Variants in ZFAND3 observed in about 807,000 individuals in gnomAD.
The protein encoded by ZFAND3 is zinc finger AN1-type containing 3.
A neutral mutation model predicts 29.6 loss-of-function variants in ZFAND3; 10 were observed. The ratio of observed to expected loss-of-function variants is 0.34; its 90% confidence interval spans 0.21 to 0.57. The LOEUF is 0.57. Among genes scored for constraint, ZFAND3 ranks in the 20% least tolerant of loss-of-function variants. The pLI is 0.86. For missense variants in ZFAND3, 230 were observed against 304.5 expected (o/e 0.76, Z 1.82); for synonymous variants, 128 against 112.6 (o/e 1.14, Z -0.87).
intron 2 of ZFAND3, among the ~76,000 whole-genome samples, chr6:37,944,963 G>A (rs565574221): frequency 1.3e-5 from 2 of 152,316 alleles, no homozygotes; most frequent in African/African-American, 2.4e-5. Flanking sequence ...TCAAGGGGTG[G>A]AGTATTCATG....
rs565020510 is a variant in ZFAND3 at position 37,880,838 on chromosome 6, A to C, written c.72-49121A>C. Among the ~76,000 whole-genome samples the C allele has an allele frequency of 5.5e-5, 7 of 127,242 alleles. No homozygotes were observed. The East Asian group carries it at 1.2e-3, about 21-fold the overall frequency. 83.5% of individuals were successfully genotyped at this position (127,242 alleles called of 152,430 possible). A position where few individuals can be genotyped will look rare whatever the true frequency, so the allele number is the denominator to read the frequency against. The stretch of plus-strand genomic sequence containing the variant: ...AGATCACATGGACACAGGAAGGGGA[A>C]TATCACACTCTGGGGACTGTGGTGG... On this transcript the variant is annotated intron_variant, in intron 1 of 5. Transcript: ENST00000287218.
chr6:37,887,803 C>T (rs1403419454), intron 1 of ZFAND3, among the ~76,000 whole-genome samples: 2 of 152,134 alleles, frequency 1.3e-5, no homozygotes, highest in Non-Finnish European at 2.9e-5. Flanking sequence ...TTCTCTTAGC[C>T]ATTGATTGTA....
At chr6:38,136,594 T>C (rs944353027) in intron 5 of ZFAND3, among the ~76,000 whole-genome samples, 6 of 152,210 alleles carry the variant, frequency 3.9e-5, no homozygotes, top group South Asian at 2.1e-4. Context: ...TACTTGCTTT[T>C]GCTCTAGGCC....
chr6:37,966,462 G>A (rs1762295500), intron 2 of ZFAND3, among the ~76,000 whole-genome samples: 1 of 152,156 alleles, frequency 6.6e-6, no homozygotes, highest in Non-Finnish European at 1.5e-5. Context: ...TCACTGAGCA[G>A]ACAACGCTTA....
chr6:37,840,781 T>A (rs1764059182), intron 1 of ZFAND3, among the ~76,000 whole-genome samples: 1 of 151,284 alleles, frequency 6.6e-6, no homozygotes, highest in African/African-American at 2.4e-5. Flanking sequence ...TGTACAATGA[T>A]CTGGTCTTTT....
At chr6:37,964,365 A>G (rs143600486) in intron 2 of ZFAND3, among the ~76,000 whole-genome samples, 2 of 152,182 alleles carry the variant, frequency 1.3e-5, no homozygotes, top group African/African-American at 2.4e-5. Flanking sequence ...CTTGGGGAAA[A>G]TGTGAACTTC....
chr6:37,953,194 T>C (rs1762027566), intron 2 of ZFAND3, among the ~76,000 whole-genome samples: 1 of 151,976 alleles, frequency 6.6e-6, no homozygotes. Context: ...CCATCTCTTC[T>C]TTTTTTCTTC....
At chr6:37,944,046 T>G (rs1375002766) in intron 2 of ZFAND3, among the ~76,000 whole-genome samples, 2 of 152,224 alleles carry the variant, frequency 1.3e-5, no homozygotes, top group Non-Finnish European at 2.9e-5. Context: ...TTAATTCAGG[T>G]GCTGTTAGTC....
chr6:38,109,125 AAG>A (rs1337916363), intron 4 of ZFAND3, among the ~76,000 whole-genome samples: 2 of 152,020 alleles, frequency 1.3e-5, no homozygotes, highest in Admixed American at 1.3e-4. Context: ...GATTAGAAAG[AAG>A]AGTTAGAGGG....
chr6:37,852,692 C>T (rs1436428158), intron 1 of ZFAND3, among the ~76,000 whole-genome samples: 1 of 149,726 alleles, frequency 6.7e-6, no homozygotes, highest in East Asian at 1.9e-4. Context: ...TTCACACATT[C>T]TTATGTGTAT....
chr6:38,037,664 G>A (rs573078229), intron 2 of ZFAND3, among the ~76,000 whole-genome samples: 26 of 152,290 alleles, frequency 1.7e-4, no homozygotes, highest in Non-Finnish European at 3.1e-4. Flanking sequence ...CCATTGGGAT[G>A]GGGCCACACA....
intron 4 of ZFAND3, among the ~76,000 whole-genome samples, chr6:38,096,847 TCTTTC>T (rs1365155222): frequency 6.6e-6 from 1 of 152,010 alleles, no homozygotes; most frequent in African/African-American, 2.4e-5. Context: ...TTCGTAATGT[TCTTTC>T]CTTATTTATG....
chr6:38,146,834 C>G (rs1019066518), intron 5 of ZFAND3, among the ~76,000 whole-genome samples: 4 of 152,160 alleles, frequency 2.6e-5, no homozygotes, highest in African/African-American at 9.7e-5. Context: ...AAGCAAAAAT[C>G]TGTTGAAATG....
At chr6:37,909,160 A>G (rs546890629) in intron 1 of ZFAND3, among the ~76,000 whole-genome samples, 1 of 152,080 alleles carries the variant, frequency 6.6e-6, no homozygotes, top group South Asian at 2.1e-4. Context: ...TACATTGATA[A>G]CTCGATTGCA....
chr6:37,920,707 C>A (rs538775325), intron 1 of ZFAND3, among the ~76,000 whole-genome samples: 2 of 152,230 alleles, frequency 1.3e-5, no homozygotes, highest in Admixed American at 6.5e-5. Flanking sequence ...ACAGCTCCAT[C>A]TTCTCCATTG....
intron 1 of ZFAND3, among the ~76,000 whole-genome samples, chr6:37,854,572 G>A (rs1278109676): frequency 6.6e-6 from 1 of 152,126 alleles, no homozygotes; most frequent in Admixed American, 6.5e-5. Flanking sequence ...GCCCGGCACT[G>A]TTCTAAGAGT....
intron 2 of ZFAND3, among the ~76,000 whole-genome samples, chr6:37,938,505 C>CT (rs972802502): frequency 1.9e-4 from 29 of 152,114 alleles, no homozygotes; most frequent in African/African-American, 4.1e-4. Flanking sequence ...TTCTCTCTCT[C>CT]TTTTTTTCAG....
rs528015682 is a variant in ZFAND3, at chr6:37,847,312, C to A, written c.71+27296C>A. ...ATCAATCGGCCGGGTGTGGTTGCTC[C>A]CGCCTGTAATCCCAGCACTATGGGA... On this transcript the variant is annotated intron_variant, in intron 1 of 5. Coordinates refer to ENST00000287218, the MANE Select transcript of ZFAND3 (RefSeq NM_021943.3). Among the ~76,000 whole-genome samples the A allele has an allele frequency of 4.6e-5, 7 of 152,074 alleles. No individual in the cohort carries two copies. The South Asian group carries it at 1.5e-3, about 32-fold the overall frequency.
At chr6:38,146,631 G>C (rs1180830126) in intron 5 of ZFAND3, among the ~76,000 whole-genome samples, 1 of 152,188 alleles carries the variant, frequency 6.6e-6, no homozygotes, top group Non-Finnish European at 1.5e-5. Context: ...TAAGGAGCAG[G>C]GTAGCCAGTC....
Sources: allele counts gnomAD v4.1 joint callset (sites outside exome capture counted in the v4.1 genomes callset), GRCh38; gene constraint gnomAD v4.1.1; transcripts MANE v1.5; gene names NCBI Gene and HGNC (gene_info 2026-07-23, HGNC 2026-07-21).